Variants in SH3RF1 observed in about 807,000 individuals in gnomAD.
The protein encoded by SH3RF1 is SH3 domain containing ring finger 1, also known as E3 ubiquitin-protein ligase SH3RF1.
In SH3RF1, 32 loss-of-function variants were observed where a neutral mutation model predicts 74.0. The ratio of observed to expected loss-of-function variants is 0.43; its 90% confidence interval spans 0.33 to 0.58. The LOEUF is 0.58. SH3RF1 is among the 20% of genes least tolerant of loss of function. The pLI, the probability that SH3RF1 is intolerant of heterozygous loss-of-function variation, is 0.05. For synonymous variants in SH3RF1, 396 were observed against 439.6 expected, an observed-to-expected ratio of 0.90 and a Z score of 1.24; for missense variants, 954 against 1,130.9, an observed-to-expected ratio of 0.84 and a Z score of 2.24.
chr4:169,199,764 G>A (rs754778165), intron 2 of SH3RF1, among the ~76,000 whole-genome samples: 71 of 152,182 alleles, frequency 4.7e-4, no homozygotes, highest in African/African-American at 8.9e-4. Context: ...AAGAGAAAGC[G>A]AAATGGATAA....
At chr4:169,223,590 C>G (rs944456966) in intron 2 of SH3RF1, among the ~76,000 whole-genome samples, 1 of 152,196 alleles carries the variant, frequency 6.6e-6, no homozygotes, top group African/African-American at 2.4e-5. Context: ...ATAAGACAGA[C>G]AGTCACTGAT....
chr4:169,215,495 T>C (rs1730447558), intron 2 of SH3RF1, among the ~76,000 whole-genome samples: 2 of 152,210 alleles, frequency 1.3e-5, no homozygotes. Flanking sequence ...TGCATCTATC[T>C]TCTGAAAGAG....
intron 2 of SH3RF1, among the ~76,000 whole-genome samples, chr4:169,197,149 G>A (rs1260815531): frequency 2.0e-5 from 3 of 151,932 alleles, no homozygotes; most frequent in South Asian, 4.2e-4. Context: ...GGGATTACAG[G>A]TGCCTGCTAC....
chr4:169,207,044 G>C (rs1480858927), intron 2 of SH3RF1, among the ~76,000 whole-genome samples: 1 of 151,946 alleles, frequency 6.6e-6, no homozygotes, highest in African/African-American at 2.4e-5. Flanking sequence ...CTGCAGCCTT[G>C]ATCTCCCAGG....
chr4:169,146,234 T>A (rs1217733316), intron 4 of SH3RF1, among the ~76,000 whole-genome samples: 2 of 130,276 alleles, frequency 1.5e-5, no homozygotes, highest in Admixed American at 1.5e-4. Context: ...TATATATACT[T>A]TTTTTTTTTT....
chr4:169,253,857 G>C (rs1731143554), intron 2 of SH3RF1, among the ~76,000 whole-genome samples: 1 of 152,196 alleles, frequency 6.6e-6, no homozygotes, highest in Admixed American at 6.5e-5. Context: ...ATGTGCCTGG[G>C]GGATAGGAGA....
chr4:169,234,938 G>A (rs1455350047), intron 2 of SH3RF1, among the ~76,000 whole-genome samples: 4 of 152,006 alleles, frequency 2.6e-5, no homozygotes, highest in Non-Finnish European at 5.9e-5. Context: ...TGCACCCCAT[G>A]ACAAAATGTC....
chr4:169,192,451 T>C (rs192666514), intron 2 of SH3RF1, among the ~76,000 whole-genome samples: 1 of 152,268 alleles, frequency 6.6e-6, no homozygotes, highest in East Asian at 1.9e-4. Flanking sequence ...ACCTTATTCC[T>C]GCAAGAATGG....
intron 2 of SH3RF1, among the ~76,000 whole-genome samples, chr4:169,240,196 T>A (rs1041239179): frequency 6.6e-6 from 1 of 151,488 alleles, no homozygotes; most frequent in Non-Finnish European, 1.5e-5. Context: ...TTTTACTTAA[T>A]TTTTTTTTCT....
chr4:169,220,577 C>T (rs1730549093), intron 2 of SH3RF1, among the ~76,000 whole-genome samples: 1 of 152,204 alleles, frequency 6.6e-6, no homozygotes, highest in South Asian at 2.1e-4. Context: ...GCCTGGCCTT[C>T]GGAGAGATTT....
In SH3RF1 at chr4:169,184,094, C is replaced by T. The variant is rs1234426940; in HGVS notation, c.394-27415G>A. 3.3e-5 allele frequency among the ~76,000 whole-genome samples: 5 copies of T among 152,160 alleles called. No homozygotes were observed. The East Asian group carries it at 9.6e-4, about 29-fold the overall frequency. On this transcript the variant is annotated intron_variant, in intron 2 of 11. Coordinates refer to ENST00000284637, the MANE Select transcript of SH3RF1 (RefSeq NM_020870.4). ...CTTTGAGGACTAATGCAAATTCACT[C>T]ACATGAATGCATGGACTGCTCTGAA... is the stretch of plus-strand genomic sequence containing the variant.
In SH3RF1 at chr4:169,116,324, C is replaced by A; in HGVS notation, c.2084G>T (p.Ser695Ile). Reference protein sequence around the residue: ...VLPGLPTSPDSASSACGNSSA... With the variant: ...VLPGLPTSPDIASSACGNSSA... ...ACTGTTCCCACAAGCTGATGAAGCA[C>A]TGTCAGGAGATGTGGGGAGTCCAGG... Residue 695 changes from serine (S) to isoleucine (I), a missense_variant, in exon 10 of 12, where the codon AGT (serine) becomes ATT (isoleucine). By Grantham distance (142) the Ser-to-Ile change is moderately radical (BLOSUM62 -2). This residue lies in a region of SH3RF1 where 854 missense variants were observed against 962.5 expected (regional missense o/e 0.89). Transcript: ENST00000284637. 1 of 1,613,948 alleles carries A rather than the reference C, an allele frequency of 6.2e-7. No individual in the cohort carries two copies. Among genetic ancestry groups the A allele is most frequent in the Non-Finnish European group, 8.5e-7 (1 of 1,179,916 alleles).
chr4:169,190,076 A>C (rs1734673888), intron 2 of SH3RF1, among the ~76,000 whole-genome samples: 1 of 152,210 alleles, frequency 6.6e-6, no homozygotes, highest in African/African-American at 2.4e-5. Flanking sequence ...AGCAAAAGGC[A>C]GTGCCAAGAG....
chr4:169,224,460 G>A (rs1444174089), intron 2 of SH3RF1, among the ~76,000 whole-genome samples: 1 of 152,132 alleles, frequency 6.6e-6, no homozygotes, highest in Non-Finnish European at 1.5e-5. Context: ...TGGGATTACA[G>A]GCTCGCGCCA....
At chr4:169,250,296 C>G (rs1731079563) in intron 2 of SH3RF1, among the ~76,000 whole-genome samples, 1 of 151,388 alleles carries the variant, frequency 6.6e-6, no homozygotes, top group Admixed American at 6.6e-5. Context: ...GGTTTGGAAT[C>G]ATACTGCTCA....
In SH3RF1 at chr4:169,122,214, G is replaced by A. The variant is rs748448391; in HGVS notation, c.1232C>T (p.Ala411Val). ...GGCGGTGGCGCCTGGTGGTGTGGAG[G>A]CAAGGACAGTGGCAGCCAGGAGAGG... ...PPPLLAATVL[A>V]STPPGATAAA... The change falls in exon 7 of 12, where the codon GCC becomes GTC. Residue 411 changes from alanine (A) to valine (V), a missense_variant. Physicochemically the swap from Ala to Val is moderately conservative, Grantham distance 64. Transcript: ENST00000284637. 1.2e-6 allele frequency: 2 copies of A among 1,613,082 alleles called. No individual in the cohort carries two copies. The highest frequency in any genetic ancestry group is 3.4e-4 in the Middle Eastern group (2 of 5,908).
At chr4:169,236,338 C>A (rs1730823394) in intron 2 of SH3RF1, among the ~76,000 whole-genome samples, 1 of 152,194 alleles carries the variant, frequency 6.6e-6, no homozygotes, top group African/African-American at 2.4e-5. Flanking sequence ...TGAGATGGAG[C>A]CTTTGTCGGC....
chr4:169,265,429 C>T (rs1023042324), intron 2 of SH3RF1, among the ~76,000 whole-genome samples: 1 of 152,110 alleles, frequency 6.6e-6, no homozygotes, highest in Admixed American at 6.5e-5. Context: ...CAGAAACATG[C>T]ACAGATATTA....
At chr4:169,261,531 A>G (rs1235174317) in intron 2 of SH3RF1, among the ~76,000 whole-genome samples, 1 of 152,022 alleles carries the variant, frequency 6.6e-6, no homozygotes, top group African/African-American at 2.4e-5. Context: ...CATCCATGAA[A>G]TAAGAATAAT....
Sources: gnomAD v4.1 joint callset for allele counts (sites outside exome capture counted in the v4.1 genomes callset) on GRCh38, gnomAD v4.1.1 for gene constraint, gnomAD v4.1.1 regional missense constraint, MANE v1.5 for transcripts, NCBI Gene and HGNC (gene_info 2026-07-23, HGNC 2026-07-21) for gene names.